The following FOXP2 variants were observed in gnomAD, a reference collection of about 807,000 sequenced individuals.
FOXP2 encodes the protein forkhead box protein P2.
A neutral mutation model predicts 115.8 loss-of-function variants in FOXP2; 12 were observed. That is an observed-to-expected ratio of 0.10 (90% CI 0.07 to 0.17). The LOEUF (loss-of-function observed/expected upper bound fraction) is 0.17. Among genes scored for constraint, FOXP2 ranks in the 10% least tolerant of loss-of-function variants. The pLI, the probability that FOXP2 is intolerant of heterozygous loss-of-function variation, is 1.00. For missense variants in FOXP2, 629 were observed against 843.5 expected (o/e 0.75, Z 3.15); for synonymous variants, 328 against 297.7 (o/e 1.10, Z -1.05).
intron 1 of FOXP2, among the ~76,000 whole-genome samples, chr7:114,099,871 G>A (rs993427720): frequency 6.6e-6 from 1 of 152,020 alleles, no homozygotes; most frequent in Non-Finnish European, 1.5e-5. Context: ...GAGGGTTTTG[G>A]GTAATAAAAT....
At chr7:114,126,540 G>A (rs1164930720) in intron 1 of FOXP2, among the ~76,000 whole-genome samples, 1 of 152,110 alleles carries the variant, frequency 6.6e-6, no homozygotes, top group Admixed American at 6.6e-5. Context: ...TTATTAAATA[G>A]TATAGTAACC....
chr7:114,445,969 T>C (rs1794817206), intron 2 of FOXP2, among the ~76,000 whole-genome samples: 1 of 152,146 alleles, frequency 6.6e-6, no homozygotes, highest in Admixed American at 6.6e-5. Context: ...AATCTGGTAC[T>C]GTAATTAGAA....
At chr7:114,110,922 A>G (rs1192734472) in intron 1 of FOXP2, among the ~76,000 whole-genome samples, 1 of 152,200 alleles carries the variant, frequency 6.6e-6, no homozygotes, top group Non-Finnish European at 1.5e-5. Flanking sequence ...CTCCATAAGC[A>G]TTCATTCACT....
chr7:114,659,700 A>T, intron 13 of FOXP2, 27 bp downstream of exon 13: 2 of 1,549,242 alleles, frequency 1.3e-6, no homozygotes, highest in Non-Finnish European at 1.8e-6. Context: ...CAGTTTTAAG[A>T]TGCCTACCAC....
Position 114,430,292 on chromosome 7 carries a change from C to T in FOXP2, c.168+3613C>T, listed in dbSNP as rs192321168. Among the ~76,000 whole-genome samples the T allele has an allele frequency of 4.6e-5, 7 of 151,688 alleles. No individual in the cohort carries two copies. In the East Asian group the frequency reaches 5.8e-4, roughly 13 times the overall value. ...TTACAAAGTATAATGAAATTACAAACGCACTTTTCAAATGAAATACCAAGA... is the reference window on the plus strand; with the variant it reads ...TTACAAAGTATAATGAAATTACAAATGCACTTTTCAAATGAAATACCAAGA... On this transcript the variant is annotated intron_variant, in intron 2 of 16. Transcript: ENST00000350908.
At chr7:114,669,890 T>A (rs1458410175) in intron 16 of FOXP2, 1 of 152,038 alleles carries the variant, frequency 6.6e-6, no homozygotes, top group Non-Finnish European at 1.5e-5. Context: ...TTGGTTCAGA[T>A]TTGCTGTTCT....
chr7:114,544,930 TA>T (rs368811383), intron 3 of FOXP2, among the ~76,000 whole-genome samples: 23 of 152,194 alleles, frequency 1.5e-4, no homozygotes, highest in African/African-American at 5.5e-4. Context: ...AGAGGATGTT[TA>T]TACAATTCAT....
At chr7:114,549,750 T>A (rs1171775189) in intron 3 of FOXP2, among the ~76,000 whole-genome samples, 1 of 152,014 alleles carries the variant, frequency 6.6e-6, no homozygotes, top group Non-Finnish European at 1.5e-5. Context: ...AAACTTGTGG[T>A]TTGTGGAATT....
chr7:114,682,304 G>C (rs1341206936), intron 16 of FOXP2, among the ~76,000 whole-genome samples: 1 of 152,000 alleles, frequency 6.6e-6, no homozygotes, highest in East Asian at 1.9e-4. Flanking sequence ...AAACTATTCA[G>C]TATTACTTTA....
chr7:114,102,696 C>CCACATA lies in FOXP2; in HGVS notation c.-247+14862_-247+14863insTACACA, dbSNP rs1554414686. ...GCTACACACATACAAACACCACACACCACACACACACACACACACACACAC... is the reference window on the plus strand; with the variant it reads ...GCTACACACATACAAACACCACACACCACATACACACACACACACACACACACACAC... On this transcript the variant is annotated intron_variant, in intron 1 of 19. Coordinates refer to the FOXP2 transcript ENST00000635638. Among the ~76,000 whole-genome samples the CCACATA allele has an allele frequency of 4.9e-3, 672 of 136,464 alleles. 3 individuals carry two copies. Among genetic ancestry groups the CCACATA allele is most frequent in the Non-Finnish European group, 7.4e-3 (457 of 61,506 alleles). 89.5% of individuals were successfully genotyped at this position (136,464 alleles called of 152,430 possible).
At chr7:114,564,022 A>G (rs971388573) in intron 3 of FOXP2, among the ~76,000 whole-genome samples, 1 of 152,282 alleles carries the variant, frequency 6.6e-6, no homozygotes, top group Non-Finnish European at 1.5e-5. Flanking sequence ...CTGCCAGCCA[A>G]TTCCAGTCTG....
intron 2 of FOXP2, among the ~76,000 whole-genome samples, chr7:114,351,028 A>T (rs1361183119): frequency 1.3e-5 from 2 of 152,158 alleles, no homozygotes; most frequent in African/African-American, 4.8e-5. Flanking sequence ...TTGTTTAGGA[A>T]ATACTGACAA....
At chr7:114,475,515 T>G (rs1341799113) in intron 2 of FOXP2, among the ~76,000 whole-genome samples, 1 of 152,050 alleles carries the variant, frequency 6.6e-6, no homozygotes. Context: ...CAGATAGGCC[T>G]AGTGGATTTT....
chr7:114,405,256 C>A (rs887597546), intron 2 of FOXP2, among the ~76,000 whole-genome samples: 1 of 151,762 alleles, frequency 6.6e-6, no homozygotes, highest in Non-Finnish European at 1.5e-5. Context: ...TTGGTATCAA[C>A]GTCCATATAC....
At chr7:114,545,440 T>C (rs949717305) in intron 3 of FOXP2, among the ~76,000 whole-genome samples, 3 of 152,226 alleles carry the variant, frequency 2.0e-5, no homozygotes, top group Non-Finnish European at 2.9e-5. Context: ...TTATTTTTAC[T>C]ATTATGATTT....
At chr7:114,127,921 A>G (rs2129144747) in intron 1 of FOXP2, among the ~76,000 whole-genome samples, 1 of 152,320 alleles carries the variant, frequency 6.6e-6, no homozygotes, top group South Asian at 2.1e-4. Flanking sequence ...ATAGAAATAA[A>G]GAAATGTGTA....
In FOXP2 at chr7:114,534,940, A is replaced by G. The variant is rs563733096; in HGVS notation, c.258+234A>G. Among the ~76,000 whole-genome samples, 42 of 151,960 alleles carry G rather than the reference A, an allele frequency of 2.8e-4. No individual in the cohort carries two copies. The South Asian group carries it at 7.3e-3, about 26-fold the overall frequency. On this transcript the variant is annotated intron_variant, in intron 3 of 16. Transcript: ENST00000350908. ...TCCTTGCAAAAAATACATAGGAACCATATTTGGTGTACATAGGCATAAAGA... is the reference window on the plus strand; with the variant it reads ...TCCTTGCAAAAAATACATAGGAACCGTATTTGGTGTACATAGGCATAAAGA...
chr7:114,261,919 G>T (rs199554004), intron 1 of FOXP2, among the ~76,000 whole-genome samples: 2 of 151,940 alleles, frequency 1.3e-5, no homozygotes, highest in African/African-American at 2.4e-5. Context: ...TTAGCTGGGC[G>T]TGGTGGCGGC....
intron 1 of FOXP2, among the ~76,000 whole-genome samples, chr7:114,264,022 C>A (rs763523027): frequency 4.6e-5 from 7 of 152,046 alleles, no homozygotes; most frequent in Non-Finnish European, 7.4e-5. Flanking sequence ...AGCTTCCTTA[C>A]TCTCACCTTT....
Sources: gnomAD v4.1 joint callset for allele counts (sites outside exome capture counted in the v4.1 genomes callset) on GRCh38, gnomAD v4.1.1 for gene constraint, MANE v1.5 for transcripts, NCBI Gene and HGNC (gene_info 2026-07-23, HGNC 2026-07-21) for gene names.